The following RREB1 variants were observed in gnomAD, a reference collection of about 807,000 sequenced individuals.
The protein encoded by RREB1 is ras responsive element binding protein 1.
RREB1 carries 27 observed loss-of-function variants against 117.8 expected under a neutral mutation model. The observed-to-expected ratio is 0.23, with a 90% CI of 0.17 to 0.32. RREB1 has a LOEUF of 0.32. Ranked by LOEUF, RREB1 falls within the 10% of genes least tolerant of loss-of-function variation. The pLI is 1.00. For synonymous variants in RREB1, 1,298 were observed against 1,026.7 expected, an observed-to-expected ratio of 1.26 and a Z score of -5.05; for missense variants, 2,577 against 2,378.2, an observed-to-expected ratio of 1.08 and a Z score of -1.74.
rs70978941 is a variant in RREB1 at position 7,117,388 on chromosome 6, G to GTTTTTTTTTTTTT, written c.-285+9353_-285+9365dup. Among the ~76,000 whole-genome samples the GTTTTTTTTTTTTT allele has an allele frequency of 8.4e-4, 53 of 63,294 alleles. 5 individuals carry two copies. Among genetic ancestry groups the GTTTTTTTTTTTTT allele is most frequent in the East Asian group, 1.0e-3 (1 of 976 alleles). 41.5% of individuals were successfully genotyped at this position (63,294 alleles called of 152,430 possible). A position where few individuals can be genotyped will look rare whatever the true frequency, so the allele number is the denominator to read the frequency against. ...GGTGAACCATGTGAATAGGTTTCCT[G>GTTTTTTTTTTTTT]TTTTTTTTTTTTTTTTTTTTTTTTT... On this transcript the variant is annotated intron_variant, in intron 1 of 12. Coordinates refer to ENST00000379938, the MANE Select transcript of RREB1 (RefSeq NM_001003699.4).
chr6:7,241,951 A>G (rs1170504122), intron 11 of RREB1, among the ~76,000 whole-genome samples: 1 of 120,906 alleles, frequency 8.3e-6, no homozygotes, highest in Non-Finnish European at 2.1e-5. Flanking sequence ...AGTTCAGCCC[A>G]CTGGAAGCGC....
At chr6:7,175,139 C>T (rs549161868) in intron 1 of RREB1, among the ~76,000 whole-genome samples, 255 of 152,020 alleles carry the variant, frequency 1.7e-3, no homozygotes, top group Admixed American at 3.7e-3. Context: ...TTTAATTTCA[C>T]CTTAGATGGG....
At chr6:7,129,067 C>T (rs1381152841) in intron 1 of RREB1, among the ~76,000 whole-genome samples, 1 of 152,220 alleles carries the variant, frequency 6.6e-6, no homozygotes, top group Admixed American at 6.5e-5. Flanking sequence ...TAGGTTTAGG[C>T]ATGGTGGAGT....
chr6:7,172,817 C>T (rs1031221535), intron 1 of RREB1, among the ~76,000 whole-genome samples: 3 of 152,168 alleles, frequency 2.0e-5, no homozygotes, highest in African/African-American at 7.2e-5. Flanking sequence ...GCCCTCAGAG[C>T]ACATGTGAGG....
intron 1 of RREB1, among the ~76,000 whole-genome samples, chr6:7,171,537 C>G (rs894196527): frequency 2.6e-5 from 4 of 152,226 alleles, no homozygotes; most frequent in Non-Finnish European, 5.9e-5. Context: ...TACCACGCAG[C>G]AGCTCTAGGA....
chr6:7,211,804 G>T, intron 8 of RREB1, 95 bp downstream of exon 8: 1 of 1,322,180 alleles, frequency 7.6e-7, no homozygotes, highest in African/African-American at 1.5e-5. Flanking sequence ...GGGCTCCAGT[G>T]ATTGAACTTG....
chr6:7,226,683 CCAGCAA>C, intron 9 of RREB1, 27 bp downstream of exon 9: 2 of 1,559,580 alleles, frequency 1.3e-6, no homozygotes, highest in Non-Finnish European at 1.8e-6. Flanking sequence ...ATGGAAGCAA[CCAGCAA>C]CTGCCTTCCA....
intron 10 of RREB1, among the ~76,000 whole-genome samples, chr6:7,236,173 A>G (rs1391181608): frequency 6.6e-6 from 1 of 152,006 alleles, no homozygotes; most frequent in Non-Finnish European, 1.5e-5. Flanking sequence ...CAGGTGGAGG[A>G]GAGGGTGCCA....
At chr6:7,123,413 C>T (rs901549346) in intron 1 of RREB1, among the ~76,000 whole-genome samples, 1 of 152,168 alleles carries the variant, frequency 6.6e-6, no homozygotes, top group Non-Finnish European at 1.5e-5. Flanking sequence ...CCGCCCGTCT[C>T]AGCCTCCCGA....
chr6:7,129,198 A>G (rs1762058319), intron 1 of RREB1, among the ~76,000 whole-genome samples: 1 of 152,206 alleles, frequency 6.6e-6, no homozygotes. Flanking sequence ...GTGGGTCTGC[A>G]CTTCTAGGAA....
intron 1 of RREB1, among the ~76,000 whole-genome samples, chr6:7,139,909 C>CTT (rs1435602858): frequency 2.0e-5 from 3 of 152,200 alleles, no homozygotes; most frequent in Non-Finnish European, 2.9e-5. Flanking sequence ...GTTAACAGAA[C>CTT]TTTGCCTTTT....
intron 6 of RREB1, among the ~76,000 whole-genome samples, chr6:7,197,529 A>T (rs1212343151): frequency 6.6e-6 from 1 of 152,226 alleles, no homozygotes; most frequent in African/African-American, 2.4e-5. Context: ...TACTAAAAAA[A>T]CAAAAATTAG....
intron 6 of RREB1, among the ~76,000 whole-genome samples, chr6:7,200,021 G>A (rs1172467589): frequency 1.3e-5 from 2 of 152,160 alleles, no homozygotes; most frequent in East Asian, 3.8e-4. Context: ...AAAAGTGTAA[G>A]AAAATTATCA....
chr6:7,130,821 C>T (rs1292602983), intron 1 of RREB1, among the ~76,000 whole-genome samples: 2 of 151,414 alleles, frequency 1.3e-5, no homozygotes, highest in African/African-American at 4.9e-5. Flanking sequence ...TTTACCATGT[C>T]GGCCAGGCTG....
intron 10 of RREB1, 72 bp from the exon 11 acceptor site, chr6:7,240,366 T>C: frequency 7.5e-7 from 1 of 1,333,718 alleles, no homozygotes; most frequent in Non-Finnish European, 1.0e-6. Context: ...CCCAGGAGAA[T>C]AAACAAAAGC....
At chr6:7,186,479 C>G (rs1334966010) in intron 4 of RREB1, among the ~76,000 whole-genome samples, 1 of 152,156 alleles carries the variant, frequency 6.6e-6, no homozygotes, top group Non-Finnish European at 1.5e-5. Flanking sequence ...TGCTGATCTT[C>G]AGAAATCTCT....
intron 5 of RREB1, 109 bp from the exon 6 acceptor site, chr6:7,189,050 C>T: frequency 9.4e-7 from 1 of 1,058,260 alleles, no homozygotes; most frequent in Non-Finnish European, 1.3e-6. Flanking sequence ...AAACACATAG[C>T]CAAGAAAGTT....
chr6:7,245,798 C>T (rs573443348), intron 11 of RREB1, among the ~76,000 whole-genome samples: 38 of 152,144 alleles, frequency 2.5e-4, no homozygotes, highest in Non-Finnish European at 5.3e-4. Flanking sequence ...AAGATTCCAC[C>T]ACCCCTGGGA....
chr6:7,199,861 T>G (rs1389842249), intron 6 of RREB1, among the ~76,000 whole-genome samples: 3 of 151,932 alleles, frequency 2.0e-5, no homozygotes, highest in Non-Finnish European at 4.4e-5. Flanking sequence ...GGATTTGCAT[T>G]AATACTATTA....
Sources: allele counts gnomAD v4.1 joint callset (sites outside exome capture counted in the v4.1 genomes callset), GRCh38; gene constraint gnomAD v4.1.1; transcripts MANE v1.5; gene names NCBI Gene and HGNC (gene_info 2026-07-23, HGNC 2026-07-21).